Variants in MICAL2 observed in about 807,000 individuals in gnomAD.
MICAL2 encodes the protein microtubule associated monooxygenase, calponin and LIM domain containing 2.
MICAL2 carries 77 observed loss-of-function variants against 127.3 expected under a neutral mutation model. The observed-to-expected ratio is 0.60, with a 90% CI of 0.50 to 0.73. MICAL2 has a LOEUF of 0.73. Ranked by LOEUF, MICAL2 falls within the 30% of genes least tolerant of loss-of-function variation. The probability of loss-of-function intolerance (pLI) is 0.00; values close to 1 mark genes in which losing one functional copy is unlikely to be tolerated. For missense variants in MICAL2, 1,351 were observed against 1,434.4 expected, an observed-to-expected ratio of 0.94 and a Z score of 0.94; for synonymous variants, 570 against 551.1, an observed-to-expected ratio of 1.03 and a Z score of -0.48.
chr11:12,156,885 T>G (rs757282048), intron 2 of MICAL2, among the ~76,000 whole-genome samples: 1 of 152,234 alleles, frequency 6.6e-6, no homozygotes, highest in Non-Finnish European at 1.5e-5. Flanking sequence ...ACCCTGCGAG[T>G]GTGGGGGGAA....
intron 16 of MICAL2, among the ~76,000 whole-genome samples, chr11:12,236,832 A>T (rs1223813094): frequency 6.6e-6 from 1 of 152,098 alleles, no homozygotes; most frequent in Non-Finnish European, 1.5e-5. Context: ...TTTAAAAGAG[A>T]CCTGAGATAT....
chr11:12,334,404 A>G (rs1238995450), intron 32 of MICAL2, among the ~76,000 whole-genome samples: 5 of 152,084 alleles, frequency 3.3e-5, no homozygotes, highest in Admixed American at 6.6e-5. Context: ...TTCAGTACAG[A>G]CACAACCATC....
chr11:12,145,323 AC>A (rs542267077), intron 2 of MICAL2, among the ~76,000 whole-genome samples: 2 of 152,196 alleles, frequency 1.3e-5, no homozygotes, highest in Admixed American at 6.5e-5. Context: ...AAACGAAGTT[AC>A]CCGATAAAGG....
chr11:12,254,676 G>A (rs1017153835), intron 22 of MICAL2: 1 of 152,238 alleles, frequency 6.6e-6, no homozygotes, highest in African/African-American at 2.4e-5. Flanking sequence ...AGTACAGTCT[G>A]GAATCTTGAA....
At chr11:12,283,704 G>T (rs1863795247) in intron 2 of MICAL2, among the ~76,000 whole-genome samples, 1 of 152,164 alleles carries the variant, frequency 6.6e-6, no homozygotes, top group Admixed American at 6.5e-5. Flanking sequence ...AAATGTATAA[G>T]TAACAATTTT....
At chr11:12,288,698 A>G (rs1418180307), downstream of MICAL2, among the ~76,000 whole-genome samples, 1 of 152,184 alleles carries the variant, frequency 6.6e-6, no homozygotes. Context: ...TGAATGAAGT[A>G]AGGAACCAAG....
At chr11:12,125,066 G>A (rs989418517) in intron 1 of MICAL2, among the ~76,000 whole-genome samples, 2 of 152,180 alleles carry the variant, frequency 1.3e-5, no homozygotes, top group African/African-American at 4.8e-5. Flanking sequence ...AGCCACTGGG[G>A]CTTCCTGCGC....
At chr11:12,318,132 G>T (rs1337172521) in intron 29 of MICAL2, among the ~76,000 whole-genome samples, 2 of 152,122 alleles carry the variant, frequency 1.3e-5, no homozygotes, top group Non-Finnish European at 2.9e-5. Context: ...CTCAGGCACC[G>T]CTAATATACC....
At chr11:12,315,472 G>T (rs1864221243) in intron 29 of MICAL2, among the ~76,000 whole-genome samples, 1 of 151,992 alleles carries the variant, frequency 6.6e-6, no homozygotes, top group Non-Finnish European at 1.5e-5. Context: ...AATTTTCTTT[G>T]TGATTTCTTT....
upstream of MICAL2, among the ~76,000 whole-genome samples, chr11:12,271,493 C>T (rs1237199397): frequency 1.3e-5 from 2 of 152,172 alleles, no homozygotes; most frequent in African/African-American, 2.4e-5. Flanking sequence ...CAGCACTGTG[C>T]ACTCACTGGC....
At chr11:12,210,827 T>G (rs1157940208) in intron 6 of MICAL2, among the ~76,000 whole-genome samples, 1 of 152,182 alleles carries the variant, frequency 6.6e-6, no homozygotes, top group Non-Finnish European at 1.5e-5. Flanking sequence ...TGCAGACGTT[T>G]GGGGCCACAC....
downstream of MICAL2, among the ~76,000 whole-genome samples, chr11:12,295,675 G>A (rs1863978217): frequency 6.6e-6 from 1 of 151,922 alleles, no homozygotes; most frequent in South Asian, 2.1e-4. Context: ...GGGATTACAG[G>A]TGTGAGCCAC....
chr11:12,254,648 T>TG (rs966959784), intron 22 of MICAL2: 1 of 152,430 alleles, frequency 6.6e-6, no homozygotes. Flanking sequence ...GCCCCAGGGC[T>TG]GGGGGGCAGG....
downstream of MICAL2, among the ~76,000 whole-genome samples, chr11:12,361,016 T>C (rs556825555): frequency 3.9e-5 from 6 of 152,316 alleles, no homozygotes; most frequent in Middle Eastern, 3.4e-3. Flanking sequence ...AGACAGTTTC[T>C]TTGTATGCAA....
intron 33 of MICAL2, chr11:12,350,067 G>T: frequency 1.6e-6 from 1 of 639,904 alleles, no homozygotes; most frequent in South Asian, 1.9e-5. Context: ...GAGGCAAATT[G>T]ATATTTTATG....
At chr11:12,161,437 G>A (rs1313505010) in intron 2 of MICAL2, 2 of 152,340 alleles carry the variant, frequency 1.3e-5, no homozygotes, top group Non-Finnish European at 2.9e-5. Context: ...CTGTGAGTCT[G>A]ACTGAGGTAG....
rs1590721327 is a variant in MICAL2 at position 12,286,556 on chromosome 11, C to T, written c.255-531C>T. On this transcript the variant is annotated intron_variant, in intron 2 of 2. Coordinates refer to the MICAL2 transcript ENST00000529028. ...TTTGAGGCATTCTCTGAGGGTGGTA[C>T]CTGTCCCATAGCAGGGTCTCAAATA... Among the ~76,000 whole-genome samples, 4 of 152,104 alleles carry T rather than the reference C, an allele frequency of 2.6e-5. No homozygotes were observed. In the East Asian group the frequency reaches 7.7e-4, roughly 29 times the overall value.
At chr11:12,221,891 G>A (rs962005649) in intron 10 of MICAL2, 132 bp downstream of exon 10, 27 of 620,808 alleles carry the variant, frequency 4.3e-5, no homozygotes, top group Admixed American at 1.5e-4. Context: ...TCCCATGTGT[G>A]GCCTGATTTG....
chr11:12,226,479 T>G, intron 14 of MICAL2, 109 bp downstream of exon 14: 1 of 1,153,728 alleles, frequency 8.7e-7, no homozygotes, highest in Non-Finnish European at 1.2e-6. Context: ...CTGCCCAGTG[T>G]GTTCCCCTTG....
Sources: allele counts gnomAD v4.1 joint callset (sites outside exome capture counted in the v4.1 genomes callset), GRCh38; gene constraint gnomAD v4.1.1; transcripts MANE v1.5; gene names NCBI Gene and HGNC (gene_info 2026-07-23, HGNC 2026-07-21).